Variants in PAN3 observed in about 807,000 individuals in gnomAD.
The protein encoded by PAN3 is PAN2-PAN3 deadenylation complex subunit PAN3.
PAN3 carries 19 observed loss-of-function variants against 96.2 expected under a neutral mutation model. The observed-to-expected ratio is 0.20, with a 90% CI of 0.14 to 0.29. The LOEUF is 0.29. PAN3 is among the 10% of genes least tolerant of loss of function. The pLI is 1.00. For synonymous variants in PAN3, 433 were observed against 406.6 expected (o/e 1.06, Z -0.78); for missense variants, 882 against 1,108.1 (o/e 0.80, Z 2.90).
At chr13:28,238,825 AG>A (rs1376311673) in intron 6 of PAN3, among the ~76,000 whole-genome samples, 1 of 152,068 alleles carries the variant, frequency 6.6e-6, no homozygotes, top group Non-Finnish European at 1.5e-5. Flanking sequence ...AGTGTATTAT[AG>A]ATAAAACCAC....
At chr13:28,168,000 T>C (rs1185531103) in intron 1 of PAN3, among the ~76,000 whole-genome samples, 1 of 152,236 alleles carries the variant, frequency 6.6e-6, no homozygotes, top group Non-Finnish European at 1.5e-5. Context: ...ACACCTCTTT[T>C]CTACATACAG....
In PAN3 at chr13:28,200,504, C is replaced by A. The variant is rs574022574; in HGVS notation, c.852+3158C>A. ...CTCTGATGGAATGCAGTCATTCATA[C>A]TGCATTTATTCTCTTCAGTGCTGGA... On this transcript the variant is annotated intron_variant, in intron 5 of 18. Coordinates refer to ENST00000380958, the MANE Select transcript of PAN3 (RefSeq NM_175854.8). Among the ~76,000 whole-genome samples, 7 of 152,286 alleles carry A rather than the reference C, an allele frequency of 4.6e-5. No individual in the cohort carries two copies. In the South Asian group the frequency reaches 1.5e-3, roughly 32 times the overall value.
intron 1 of PAN3, among the ~76,000 whole-genome samples, chr13:28,142,092 T>C (rs1282580098): frequency 6.6e-6 from 1 of 152,246 alleles, no homozygotes; most frequent in Non-Finnish European, 1.5e-5. Flanking sequence ...TTTTCTGTGA[T>C]AGGCTTCTTG....
intron 1 of PAN3, among the ~76,000 whole-genome samples, chr13:28,153,857 C>G (rs776423978): frequency 9.9e-5 from 15 of 152,154 alleles, no homozygotes; most frequent in Admixed American, 5.2e-4. Context: ...TTTGGATGAT[C>G]TTAAGCTGAT....
chr13:28,162,095 G>A (rs1279011617), intron 1 of PAN3, among the ~76,000 whole-genome samples: 2 of 152,146 alleles, frequency 1.3e-5, no homozygotes, highest in Non-Finnish European at 2.9e-5. Context: ...ATATCAACTG[G>A]GCATGCCAGT....
chr13:28,277,444 T>A lies in PAN3; in HGVS notation c.2189+68T>A, dbSNP rs1001813376. On this transcript the variant is annotated intron_variant, in intron 15 of 18. Coordinates refer to ENST00000380958, the MANE Select transcript of PAN3 (RefSeq NM_175854.8). ...CGATAAGACAGAGCTTTTTTTGTTTTAAGTGATTGTTTTGGTTCCCACTAT... is the reference window on the plus strand; with the variant it reads ...CGATAAGACAGAGCTTTTTTTGTTTAAAGTGATTGTTTTGGTTCCCACTAT... The A allele has an allele frequency of 2.0e-6, 3 of 1,492,526 alleles. No homozygotes were observed. In the African/African-American group the frequency reaches 4.3e-5, roughly 21 times the overall value. 92.5% of individuals were successfully genotyped at this position (1,492,526 alleles called of 1,614,324 possible). A position where few individuals can be genotyped will look rare whatever the true frequency, so the allele number is the denominator to read the frequency against.
intron 1 of PAN3, among the ~76,000 whole-genome samples, chr13:28,162,975 G>A (rs1230424068): frequency 1.3e-5 from 2 of 152,006 alleles, no homozygotes; most frequent in Non-Finnish European, 2.9e-5. Flanking sequence ...ATAATTTAAG[G>A]CCGAATGCAG....
At chr13:28,177,798 A>T in intron 3 of PAN3, 67 bp from the exon 4 acceptor site, 2 of 1,276,252 alleles carry the variant, frequency 1.6e-6, no homozygotes, top group South Asian at 1.2e-5. Flanking sequence ...TTGTCAAATT[A>T]AACAGTTATT....
chr13:28,261,190 A>T (rs1450736578), intron 8 of PAN3, among the ~76,000 whole-genome samples: 2 of 152,184 alleles, frequency 1.3e-5, no homozygotes, highest in East Asian at 3.8e-4. Flanking sequence ...CATCTACTTA[A>T]ACCCAATCTT....
rs796468942 is a variant in PAN3 at position 28,294,568 on chromosome 13, A to G, written c.*2046A>G. On this transcript the variant is annotated 3_prime_UTR_variant, in exon 19 of 19. Transcript: ENST00000380958. Reference sequence around the variant, plus strand: ...TTTTGAAAATTTAATTTGTGGACCAATGTTTTGTGAAAGCTAAAGAGGGCA... The same window carrying G: ...TTTTGAAAATTTAATTTGTGGACCAGTGTTTTGTGAAAGCTAAAGAGGGCA... The G allele has an allele frequency of 6.6e-6, 1 of 152,596 alleles. No homozygotes were observed. The highest frequency in any genetic ancestry group is 1.5e-5 in the Non-Finnish European group (1 of 68,016). The allele number at this position is 152,596 out of a possible 1,614,324, so 9.5% of individuals were successfully genotyped here.
intron 1 of PAN3, among the ~76,000 whole-genome samples, chr13:28,153,142 G>A (rs1871596416): frequency 6.6e-6 from 1 of 151,118 alleles, no homozygotes; most frequent in Admixed American, 6.6e-5. Flanking sequence ...ATATCATACA[G>A]CAGTAAAAAC....
intron 6 of PAN3, among the ~76,000 whole-genome samples, chr13:28,221,639 C>T (rs531365425): frequency 9.9e-5 from 15 of 152,140 alleles, no homozygotes; most frequent in South Asian, 4.2e-4. Context: ...CTCATTTCCC[C>T]ACCATTCTTT....
intron 6 of PAN3, among the ~76,000 whole-genome samples, chr13:28,254,558 T>C (rs1884986881): frequency 6.6e-6 from 1 of 152,212 alleles, no homozygotes. Context: ...GGAGTTTTTA[T>C]CCATTGATAA....
Position 28,220,317 on chromosome 13 carries a change from CTTCTCTCAAGTT to C in PAN3, c.948_959del (p.Gln316_Ser319del). On this transcript the variant is annotated inframe_deletion, in exon 6 of 19. Coordinates refer to ENST00000380958, the MANE Select transcript of PAN3 (RefSeq NM_175854.8). Reference sequence around the variant, plus strand: ...ACGTGTCCCAGTCAAATATGTCTGCCTTCTCTCAAGTTTTCTCTCACCCATCCATGGGAAGCC... The same window carrying C: ...ACGTGTCCCAGTCAAATATGTCTGCCTTCTCTCACCCATCCATGGGAAGCC... The C allele has an allele frequency of 6.2e-7, 1 of 1,613,750 alleles. No homozygotes were observed. Among genetic ancestry groups the C allele is most frequent in the Non-Finnish European group, 8.5e-7 (1 of 1,179,752 alleles).
At position 28,138,574 on chromosome 13, in the gene PAN3, A is replaced by T; in HGVS notation, c.-84A>T. The T allele has an allele frequency of 3.6e-6, 1 of 279,030 alleles. No individual in the cohort carries two copies. Among genetic ancestry groups the T allele is most frequent in the East Asian group, 8.8e-5 (1 of 11,418 alleles). The allele number at this position is 279,030 out of a possible 1,614,324, so 17.3% of individuals were successfully genotyped here. ...GCCCAGGCTTTTATCCGGCACCGGC[A>T]GCGTCTTCCTTTCCTCCCCCGTCTA... On this transcript the variant is annotated 5_prime_UTR_variant, in exon 1 of 19. Transcript: ENST00000380958.
At chr13:28,147,005 A>T (rs1328709185) in intron 1 of PAN3, among the ~76,000 whole-genome samples, 2 of 152,176 alleles carry the variant, frequency 1.3e-5, no homozygotes, top group African/African-American at 4.8e-5. Context: ...AAAGAAAAAA[A>T]TAGAAAAGGT....
At chr13:28,177,347 CT>C (rs1875154681) in intron 3 of PAN3, among the ~76,000 whole-genome samples, 1 of 152,008 alleles carries the variant, frequency 6.6e-6, no homozygotes, top group Non-Finnish European at 1.5e-5. Flanking sequence ...TTTACTTTAT[CT>C]TTTTAGTAAT....
intron 6 of PAN3, among the ~76,000 whole-genome samples, chr13:28,242,659 G>T (rs1297803105): frequency 6.6e-6 from 1 of 152,200 alleles, no homozygotes; most frequent in African/African-American, 2.4e-5. Flanking sequence ...GGCTGTTGAT[G>T]TATGAGAGGA....
At chr13:28,284,814 C>G (rs1446354997) in intron 17 of PAN3, among the ~76,000 whole-genome samples, 1 of 151,996 alleles carries the variant, frequency 6.6e-6, no homozygotes, top group African/African-American at 2.4e-5. Context: ...TTGTTGTTTT[C>G]CTAATACTAT....
Sources: gnomAD v4.1 joint callset for allele counts (sites outside exome capture counted in the v4.1 genomes callset) on GRCh38, gnomAD v4.1.1 for gene constraint, MANE v1.5 for transcripts, NCBI Gene and HGNC (gene_info 2026-07-23, HGNC 2026-07-21) for gene names.